The following PATL2 variants were observed in gnomAD, a reference collection of about 807,000 sequenced individuals.
The protein encoded by PATL2 is protein PAT1 homolog 2.
Under a neutral mutation model 77.0 loss-of-function variants are expected in PATL2, and 73 were observed. The ratio of observed to expected loss-of-function variants is 0.95; its 90% CI spans 0.78 to 1.15. PATL2 has a LOEUF of 1.15. Among genes scored for constraint, PATL2 ranks in the 50% most tolerant of loss-of-function variants. The pLI is 0.00. For missense variants in PATL2, 618 were observed against 655.4 expected (o/e 0.94, Z 0.62); for synonymous variants, 265 against 257.1 (o/e 1.03, Z -0.29).
intron 3 of PATL2, among the ~76,000 whole-genome samples, chr15:44,701,693 T>G (rs2086632355): frequency 7.5e-6 from 1 of 132,546 alleles, no homozygotes; most frequent in African/African-American, 3.0e-5. Context: ...AGTGAGACCC[T>G]GTCTCAAAAA....
intron 6 of PATL2, among the ~76,000 whole-genome samples, chr15:44,673,661 A>G (rs2085805796): frequency 6.6e-6 from 1 of 152,042 alleles, no homozygotes; most frequent in Admixed American, 6.6e-5. Flanking sequence ...CCTCCTCTCT[A>G]TAATAGTCTT....
Position 44,669,418 on chromosome 15 carries a change from G to A in PATL2, c.931-5C>T. On this transcript the variant is annotated splice_region_variant and splice_polypyrimidine_tract_variant and intron_variant, in intron 12 of 17. Transcript: ENST00000682850. ...TTCTAGTAACTGAAGGAACATCTGG[G>A]AATTTGAGGGTGGAAAAAAGAGGTA... The A allele has an allele frequency of 6.5e-7, 1 of 1,548,684 alleles. No homozygotes were observed. Among genetic ancestry groups the A allele is most frequent in the Non-Finnish European group, 8.7e-7 (1 of 1,144,472 alleles).
intron 9 of PATL2, 67 bp downstream of exon 9, chr15:44,671,948 G>A (rs2085702173): frequency 6.6e-7 from 1 of 1,523,282 alleles, no homozygotes; most frequent in Non-Finnish European, 8.9e-7. Context: ...GAGGATCAGA[G>A]CGGGCCCGGG....
chr15:44,708,102 G>A (rs552343263), intron 3 of PATL2, among the ~76,000 whole-genome samples: 12 of 152,364 alleles, frequency 7.9e-5, no homozygotes, highest in East Asian at 5.8e-4. Flanking sequence ...GGCCGCTGCC[G>A]GCGAATGGGG....
chr15:44,679,500 T>TTACAGGCGTGAGCCACCG (rs1473951614), intron 3 of PATL2, among the ~76,000 whole-genome samples: 1 of 151,668 alleles, frequency 6.6e-6, no homozygotes, highest in Non-Finnish European at 1.5e-5. Flanking sequence ...AGTGCTGGGA[T>TTACAGGCGTGAGCCACCG]TACAGGCGTG....
rs933165876 is a variant in PATL2, at chr15:44,703,723, CTTTTTTTTTTT to C, written c.-76+6362_-76+6372del. Among the ~76,000 whole-genome samples the C allele has an allele frequency of 2.8e-3, 94 of 33,020 alleles. 1 individual carries two copies. The East Asian group carries it at 0.042, about 15-fold the overall frequency. The allele number at this position is 33,020 out of a possible 152,430, so 21.7% of individuals were successfully genotyped here. ...GTAGGCAACAAATCACCGGGTCTTG[CTTTTTTTTTTT>C]TTTTTTTTTTTTTTTTTTAAATCCA... On this transcript the variant is annotated intron_variant, in intron 3 of 17. Coordinates refer to ENST00000682850, the MANE Select transcript of PATL2 (RefSeq NM_001387263.1).
At chr15:44,676,925 G>T (rs1047190835) in intron 3 of PATL2, 1 of 1,012,988 alleles carries the variant, frequency 9.9e-7, no homozygotes, top group South Asian at 4.1e-5. Context: ...GCCAGGACCT[G>T]TTTGCCGCTC....
At chr15:44,667,666 G>C (rs1276081451) in intron 15 of PATL2, among the ~76,000 whole-genome samples, 1 of 152,162 alleles carries the variant, frequency 6.6e-6, no homozygotes, top group Non-Finnish European at 1.5e-5. Context: ...CTATTGGCTG[G>C]GCGCAGTGGC....
At chr15:44,691,136 T>C (rs1410829461) in intron 3 of PATL2, among the ~76,000 whole-genome samples, 1 of 152,060 alleles carries the variant, frequency 6.6e-6, no homozygotes, top group Non-Finnish European at 1.5e-5. Context: ...ATATATTTGG[T>C]TATAAAAAAC....
chr15:44,667,065 G>A (rs1476746181), intron 16 of PATL2, 41 bp downstream of exon 16: 13 of 1,438,762 alleles, frequency 9.0e-6, no homozygotes, highest in Middle Eastern at 1.7e-4. Context: ...TGCACATCCC[G>A]AGGGTACTAG....
chr15:44,676,760 A>C, intron 3 of PATL2, 195 bp from the exon 4 acceptor site: 1 of 1,255,022 alleles, frequency 8.0e-7, no homozygotes, highest in Non-Finnish European at 1.0e-6. Context: ...CTGTCCCACA[A>C]AGGGACAGAA....
chr15:44,670,340 C>T lies in PATL2; in HGVS notation c.658-253G>A, dbSNP rs750492471. Among the ~76,000 whole-genome samples, 80 of 152,080 alleles carry T rather than the reference C, an allele frequency of 5.3e-4. 1 individual carries two copies. Among genetic ancestry groups the T allele is most frequent in the Admixed American group, 3.3e-4 (5 of 15,276 alleles). On this transcript the variant is annotated intron_variant, in intron 9 of 17. Coordinates refer to ENST00000682850, the MANE Select transcript of PATL2 (RefSeq NM_001387263.1). ...TCCTCAGTAGCTGGGGCCACAGGCACGTGCCACCATGCCCAGCTAATTTTT... is the reference window on the plus strand; with the variant it reads ...TCCTCAGTAGCTGGGGCCACAGGCATGTGCCACCATGCCCAGCTAATTTTT...
chr15:44,668,993 T>A lies in PATL2; in HGVS notation c.1211A>T (p.Asp404Val). ...THHLPLLVRR[D>V]VADQALQMLF... ...ATGCCACAGTACCTGATCAGCCACA[T>A]CCCTCCGGACCAGGAGGGGCAGATG... Residue 404 changes from aspartate (D) to valine (V), a missense_variant, in exon 14 of 18, where the codon GAT becomes GTT. By Grantham distance (152) the Asp-to-Val change is radical. Coordinates refer to ENST00000682850, the MANE Select transcript of PATL2 (RefSeq NM_001387263.1). The A allele has an allele frequency of 6.5e-7, 1 of 1,545,744 alleles. No individual in the cohort carries two copies. Among genetic ancestry groups the A allele is most frequent in the Non-Finnish European group, 8.7e-7 (1 of 1,143,532 alleles).
At chr15:44,666,571 A>G (rs948320779) in intron 16 of PATL2, 30 bp from the exon 17 acceptor site, 12 of 1,482,002 alleles carry the variant, frequency 8.1e-6, no homozygotes, top group Non-Finnish European at 1.1e-5. Flanking sequence ...ATATAAGCAA[A>G]TAGATTTGCT....
intron 3 of PATL2, among the ~76,000 whole-genome samples, chr15:44,700,012 AT>A (rs199513820): frequency 1.3e-5 from 2 of 151,456 alleles, no homozygotes; most frequent in Admixed American, 6.6e-5. Flanking sequence ...AAATTTTAGG[AT>A]TTTTTTTCCA....
chr15:44,709,655 G>A (rs2141279952), intron 3 of PATL2, among the ~76,000 whole-genome samples: 1 of 152,254 alleles, frequency 6.6e-6, no homozygotes. Context: ...TTCAAAACAT[G>A]TCATAAATGG....
In PATL2 at chr15:44,674,378, C is replaced by G; in HGVS notation, c.223-148G>C. The G allele has an allele frequency of 6.4e-6, 4 of 625,552 alleles. No homozygotes were observed. In the East Asian group the frequency reaches 1.1e-4, roughly 17 times the overall value. The allele number at this position is 625,552 out of a possible 1,614,324, so 38.8% of individuals were successfully genotyped here. ...TGGCAGCTTGGCCCTCCCTCAGATT[C>G]AAAGTCAGCTGGGCCAGGATCCCTC... On this transcript the variant is annotated intron_variant, in intron 5 of 17. Coordinates refer to ENST00000682850, the MANE Select transcript of PATL2 (RefSeq NM_001387263.1).
At chr15:44,701,698 C>CAA (rs77174261) in intron 3 of PATL2, among the ~76,000 whole-genome samples, 529 of 50,810 alleles carry the variant, frequency 0.01, 9 homozygotes, top group African/African-American at 0.03. Flanking sequence ...GACCCTGTCT[C>CAA]AAAAAAAAAA....
chr15:44,669,844 A>G lies in PATL2; in HGVS notation c.809T>C (p.Val270Ala). The change falls in exon 11 of 18, where the codon GTA (valine) becomes GCA (alanine). Residue 270 changes from valine (V) to alanine (A), a missense_variant. By Grantham distance (64) the Val-to-Ala change is moderately conservative (BLOSUM62 0). Coordinates refer to ENST00000682850, the MANE Select transcript of PATL2 (RefSeq NM_001387263.1). ...AGGGCTGAAGCATGTCGACACAGCT[A>G]CCTGGCCCAGGGAACCCTCGATTCG... ...VVRIEGSLGQVAVSTCFSPRR... is the reference protein window; with the variant it reads ...VVRIEGSLGQAAVSTCFSPRR... The G allele has an allele frequency of 6.4e-7, 1 of 1,551,608 alleles. No individual in the cohort carries two copies. Among genetic ancestry groups the G allele is most frequent in the Non-Finnish European group, 8.7e-7 (1 of 1,146,988 alleles).
Sources: gnomAD v4.1 joint callset for allele counts (sites outside exome capture counted in the v4.1 genomes callset) on GRCh38, gnomAD v4.1.1 for gene constraint, MANE v1.5 for transcripts, NCBI Gene and HGNC (gene_info 2026-07-23, HGNC 2026-07-21) for gene names.